The following TENM3 variants were observed in gnomAD, a reference collection of about 807,000 sequenced individuals.
TENM3 encodes teneurin transmembrane protein 3, also known as teneurin-3.
Under a neutral mutation model 255.1 loss-of-function variants are expected in TENM3, and 63 were observed. That is an observed-to-expected ratio of 0.25 (90% CI 0.20 to 0.30). The LOEUF (loss-of-function observed/expected upper bound fraction) is 0.30. TENM3 is among the 10% of genes least tolerant of loss of function. The pLI, the probability that TENM3 is intolerant of heterozygous loss-of-function variation, is 1.00. For synonymous variants in TENM3, 1,306 were observed against 1,322.3 expected, an observed-to-expected ratio of 0.99 and a Z score of 0.27; for missense variants, 2,929 against 3,461.1, an observed-to-expected ratio of 0.85 and a Z score of 3.86.
intron 3 of TENM3, among the ~76,000 whole-genome samples, chr4:182,576,584 G>GACCA (rs1295165854): frequency 6.6e-6 from 1 of 152,172 alleles, no homozygotes; most frequent in East Asian, 1.9e-4. Context: ...TTATATGGTT[G>GACCA]ACCCTCTTTT....
In TENM3 at chr4:182,671,650, TGG is replaced by T. The variant is rs386683012; in HGVS notation, c.1112-1354_1112-1353del. 3.6e-3 allele frequency among the ~76,000 whole-genome samples: 547 copies of T among 152,314 alleles called. 2 individuals carry two copies. Among genetic ancestry groups the T allele is most frequent in the African/African-American group, 0.012 (503 of 41,558 alleles). ...AGATAATCTCTAAGATTCTACTCTT[TGG>T]TTTATATTTCTTTTTTTAAGTCACC... On this transcript the variant is annotated intron_variant, in intron 6 of 27. Transcript: ENST00000511685.
At chr4:182,328,783 T>C (rs1227739463) in intron 2 of TENM3, among the ~76,000 whole-genome samples, 3 of 152,090 alleles carry the variant, frequency 2.0e-5, no homozygotes, top group African/African-American at 7.2e-5. Context: ...CCCAGAAGCA[T>C]GGCTTCTGCT....
chr4:182,559,123 C>T (rs1463377665), intron 3 of TENM3, among the ~76,000 whole-genome samples: 3 of 129,990 alleles, frequency 2.3e-5, no homozygotes, highest in Admixed American at 8.6e-5. Flanking sequence ...CTTTATTCCT[C>T]GGGATTTTTT....
intron 3 of TENM3, among the ~76,000 whole-genome samples, chr4:182,444,739 G>A (rs1772771152): frequency 6.6e-6 from 1 of 152,036 alleles, no homozygotes; most frequent in Non-Finnish European, 1.5e-5. Flanking sequence ...CAAATCTTTG[G>A]TGGGGCTTAT....
intron 3 of TENM3, among the ~76,000 whole-genome samples, chr4:182,404,031 G>A (rs914618408): frequency 6.6e-6 from 1 of 152,146 alleles, no homozygotes; most frequent in African/African-American, 2.4e-5. Flanking sequence ...TGTGAAATTT[G>A]TTTTCTTAAT....
At chr4:181,746,615 TA>T in the TENM3 span, among the ~76,000 whole-genome samples, 1 of 152,182 alleles carries the variant, frequency 6.6e-6, no homozygotes, top group African/African-American at 2.4e-5. Flanking sequence ...TTTAATTATC[TA>T]CTTATCTTAT....
At chr4:182,536,240 G>A (rs1382164365) in intron 3 of TENM3, among the ~76,000 whole-genome samples, 4 of 152,192 alleles carry the variant, frequency 2.6e-5, no homozygotes, top group Non-Finnish European at 5.9e-5. Flanking sequence ...AGTGTCAACT[G>A]GCACTGTCCA....
At chr4:181,941,619 T>G in the TENM3 span, among the ~76,000 whole-genome samples, 1 of 152,194 alleles carries the variant, frequency 6.6e-6, no homozygotes, top group Non-Finnish European at 1.5e-5. Context: ...AGCCTTACAT[T>G]ATGTCAATGA....
chr4:181,698,163 G>A, the TENM3 span, among the ~76,000 whole-genome samples: 3 of 149,858 alleles, frequency 2.0e-5, no homozygotes, highest in African/African-American at 4.9e-5. Flanking sequence ...GCAGTGAGCC[G>A]AGATCACGCC....
At chr4:181,645,092 G>A in the TENM3 span, among the ~76,000 whole-genome samples, 3 of 152,154 alleles carry the variant, frequency 2.0e-5, no homozygotes, top group Non-Finnish European at 4.4e-5. Context: ...TGAATGATGT[G>A]GATTGCAAAG....
At chr4:181,874,348 G>C in the TENM3 span, 6 of 152,342 alleles carry the variant, frequency 3.9e-5, no homozygotes, top group East Asian at 1.2e-3. Context: ...AACTATTAGT[G>C]TGATTTTGTC....
At chr4:182,633,646 G>A (rs538620821) in intron 5 of TENM3, among the ~76,000 whole-genome samples, 2 of 152,318 alleles carry the variant, frequency 1.3e-5, no homozygotes, top group East Asian at 1.9e-4. Context: ...TGTGCCGGGC[G>A]CTGTTCTAGA....
intron 13 of TENM3, among the ~76,000 whole-genome samples, chr4:182,721,137 G>A (rs1759698233): frequency 6.6e-6 from 1 of 152,038 alleles, no homozygotes; most frequent in Admixed American, 6.6e-5. Flanking sequence ...TGTGGACGTG[G>A]GCACTGCGTG....
intron 5 of TENM3, chr4:182,631,526 A>G (rs1247028248): frequency 1.3e-5 from 2 of 152,174 alleles, no homozygotes; most frequent in Non-Finnish European, 2.9e-5. Context: ...CCTTGAAGAA[A>G]AGAACAGGAC....
intron 3 of TENM3, among the ~76,000 whole-genome samples, chr4:182,570,334 CA>C (rs1744231249): frequency 6.6e-6 from 1 of 151,938 alleles, no homozygotes; most frequent in Non-Finnish European, 1.5e-5. Flanking sequence ...AGAGAAAATA[CA>C]GGAAAAAAAC....
intron 5 of TENM3, among the ~76,000 whole-genome samples, chr4:182,651,660 G>A (rs1561057513): frequency 6.6e-6 from 1 of 151,574 alleles, no homozygotes; most frequent in African/African-American, 2.4e-5. Context: ...TCGTGCCACT[G>A]CACTCCATCC....
chr4:181,886,835 T>C, the TENM3 span, among the ~76,000 whole-genome samples: 86 of 152,312 alleles, frequency 5.6e-4, no homozygotes, highest in African/African-American at 2.0e-3. Flanking sequence ...CAATTCAGTT[T>C]AATTCAGTTT....
the TENM3 span, among the ~76,000 whole-genome samples, chr4:181,524,175 G>C: frequency 6.6e-6 from 1 of 152,138 alleles, no homozygotes. Context: ...CCGTGGTTTT[G>C]GGGGTGGTGT....
At chr4:181,500,538 G>T in the TENM3 span, among the ~76,000 whole-genome samples, 1 of 152,066 alleles carries the variant, frequency 6.6e-6, no homozygotes, top group Non-Finnish European at 1.5e-5. Context: ...CAATTGAGAT[G>T]CTTACACTAT....
Sources: allele counts gnomAD v4.1 joint callset (sites outside exome capture counted in the v4.1 genomes callset), GRCh38; gene constraint gnomAD v4.1.1; transcripts MANE v1.5; gene names NCBI Gene and HGNC (gene_info 2026-07-23, HGNC 2026-07-21).